The following ALDH8A1 variants were observed in gnomAD, a reference collection of about 807,000 sequenced individuals.
ALDH8A1 encodes the protein aldehyde dehydrogenase 8 family member A1.
Under a neutral mutation model 43.3 loss-of-function variants are expected in ALDH8A1, and 39 were observed. The ratio of observed to expected loss-of-function variants is 0.90; its 90% CI spans 0.70 to 1.18. The LOEUF (loss-of-function observed/expected upper bound fraction) is 1.18, where lower values mean the gene tolerates loss of function less well. Among genes scored for constraint, ALDH8A1 ranks in the 50% most tolerant of loss-of-function variants. The pLI is 0.00. For synonymous variants in ALDH8A1, 233 were observed against 243.5 expected, an observed-to-expected ratio of 0.96 and a Z score of 0.40; for missense variants, 605 against 622.6, an observed-to-expected ratio of 0.97 and a Z score of 0.30.
chr6:134,933,929 G>A (rs1331191063), intron 4 of ALDH8A1, among the ~76,000 whole-genome samples: 3 of 151,964 alleles, frequency 2.0e-5, no homozygotes, highest in African/African-American at 2.4e-5. Flanking sequence ...GGCTGGTCTC[G>A]AACTCCTGAC....
At chr6:134,921,895 T>C (rs1225152312) in intron 6 of ALDH8A1, among the ~76,000 whole-genome samples, 3 of 152,230 alleles carry the variant, frequency 2.0e-5, no homozygotes, top group Non-Finnish European at 4.4e-5. Flanking sequence ...AGTCACAATC[T>C]GAAGAGGCCA....
In ALDH8A1 at chr6:134,932,926, C is replaced by G; in HGVS notation, c.699G>C (p.Gln233His). 6.2e-7 allele frequency: 1 copy of G among 1,614,168 alleles called. No homozygotes were observed. Among genetic ancestry groups the G allele is most frequent in the Non-Finnish European group, 8.5e-7 (1 of 1,180,032 alleles). Residue 233 changes from glutamine to histidine, a missense_variant, in exon 5 of 7, where the codon CAG (glutamine) becomes CAC (histidine). By Grantham distance (24) the Gln-to-His change is conservative. Transcript: ENST00000265605. ...EVPLISFTGS[Q>H]PTAERITQLS... ...GCTGGGTGATCCGCTCAGCGGTGGG[C>G]TGGCTCCCGGTGAAGGAGATCAGGG...
chr6:134,943,573 T>C (rs1376741911), intron 2 of ALDH8A1, among the ~76,000 whole-genome samples: 1 of 152,158 alleles, frequency 6.6e-6, no homozygotes, highest in African/African-American at 2.4e-5. Flanking sequence ...ATGAACAGAG[T>C]ATATTTCTTT....
chr6:134,937,616 C>G (rs1773767440), intron 4 of ALDH8A1, among the ~76,000 whole-genome samples: 1 of 152,210 alleles, frequency 6.6e-6, no homozygotes, highest in Non-Finnish European at 1.5e-5. Flanking sequence ...TTCTTGGTCT[C>G]AGGAGAGAGT....
In ALDH8A1 at chr6:134,943,959, G is replaced by A. The variant is rs778490078; in HGVS notation, c.146C>T (p.Ala49Val). Reference protein sequence around the residue: ...VPNSGKDEIEAAVKAAREAFP... With the variant: ...VPNSGKDEIEVAVKAAREAFP... ...GGCTTCTCTGGCGGCCTTGACCGCGGCTTCGATCTTTGAGGAGCAAATGGG... is the reference window on the plus strand; with the variant it reads ...GGCTTCTCTGGCGGCCTTGACCGCGACTTCGATCTTTGAGGAGCAAATGGG... Residue 49 changes from alanine (A) to valine (V), a missense_variant, in exon 2 of 7, where the codon GCC becomes GTC. Physicochemically the swap from Ala to Val is moderately conservative, Grantham distance 64 (BLOSUM62 0). Transcript: ENST00000265605. 1 of 1,613,840 alleles carries A rather than the reference G, an allele frequency of 6.2e-7. No individual in the cohort carries two copies. Among genetic ancestry groups the A allele is most frequent in the Admixed American group, 1.7e-5 (1 of 59,994 alleles).
chr6:134,924,265 G>A (rs1200062788), intron 6 of ALDH8A1, among the ~76,000 whole-genome samples: 1 of 152,126 alleles, frequency 6.6e-6, no homozygotes, highest in Admixed American at 6.5e-5. Flanking sequence ...GCTACCATCT[G>A]CCATGGACAG....
chr6:134,918,271 AC>A lies in ALDH8A1; in HGVS notation c.*143del. The A allele has an allele frequency of 1.3e-6, 1 of 743,066 alleles. No individual in the cohort carries two copies. The highest frequency in any genetic ancestry group is 2.2e-6 in the Non-Finnish European group (1 of 458,342). 46.0% of individuals were successfully genotyped at this position (743,066 alleles called of 1,614,324 possible). A position where few individuals can be genotyped will look rare whatever the true frequency, so the allele number is the denominator to read the frequency against. On this transcript the variant is annotated 3_prime_UTR_variant, in exon 7 of 7. Coordinates refer to ENST00000265605, the MANE Select transcript of ALDH8A1 (RefSeq NM_022568.4). Reference sequence around the variant, plus strand: ...TATCTCTTCACTAGTGGGTAAAGTTACTAAGAACTGAGGATAAGCTAGAGAT... The same window carrying A: ...TATCTCTTCACTAGTGGGTAAAGTTATAAGAACTGAGGATAAGCTAGAGAT...
chr6:134,949,300 A>T (rs1774003707), intron 1 of ALDH8A1, among the ~76,000 whole-genome samples: 1 of 152,208 alleles, frequency 6.6e-6, no homozygotes, highest in Admixed American at 6.5e-5. Context: ...AATTAATTCT[A>T]CATCACCAAA....
intron 4 of ALDH8A1, among the ~76,000 whole-genome samples, chr6:134,936,326 G>T (rs1483857165): frequency 6.6e-6 from 1 of 152,208 alleles, no homozygotes; most frequent in Non-Finnish European, 1.5e-5. Context: ...GTCAGTCCTG[G>T]ATTGTAGGTC....
At chr6:134,948,528 T>C (rs1773991909) in intron 1 of ALDH8A1, among the ~76,000 whole-genome samples, 2 of 152,206 alleles carry the variant, frequency 1.3e-5, no homozygotes, top group Non-Finnish European at 2.9e-5. Flanking sequence ...TTTTTTAATT[T>C]TTTGTTAAAA....
chr6:134,932,988 T>G lies in ALDH8A1; in HGVS notation c.637A>C (p.Arg213=). Reference sequence around the variant, plus strand: ...TGGGACACCAGGGCCTCACCCACCCTGGGCCCGGTTCCAAACACAATATTG... The same window carrying G: ...TGGGACACCAGGGCCTCACCCACCCGGGGCCCGGTTCCAAACACAATATTG... ...VVNIVFGTGP[R]VGEALVSHPE... is the part of the protein sequence containing the mutation. The change falls in exon 5 of 7, where the codon AGG becomes CGG. Residue 213 remains arginine, a synonymous_variant. Coordinates refer to ENST00000265605, the MANE Select transcript of ALDH8A1 (RefSeq NM_022568.4). 1.2e-6 allele frequency: 2 copies of G among 1,608,270 alleles called. No individual in the cohort carries two copies. The highest frequency in any genetic ancestry group is 1.7e-6 in the Non-Finnish European group (2 of 1,177,194).
intron 5 of ALDH8A1, among the ~76,000 whole-genome samples, chr6:134,931,878 G>A (rs1776991611): frequency 6.6e-6 from 1 of 152,128 alleles, no homozygotes; most frequent in East Asian, 1.9e-4. Flanking sequence ...CATCATTATT[G>A]TTCACATGAT....
Position 134,929,219 on chromosome 6 carries a change from C to T in ALDH8A1, c.850-4G>A. 6.2e-7 allele frequency: 1 copy of T among 1,613,478 alleles called. No individual in the cohort carries two copies. Among genetic ancestry groups the T allele is most frequent in the Non-Finnish European group, 8.5e-7 (1 of 1,179,728 alleles). On this transcript the variant is annotated splice_polypyrimidine_tract_variant and splice_region_variant and intron_variant, in intron 5 of 6. Coordinates refer to ENST00000265605, the MANE Select transcript of ALDH8A1 (RefSeq NM_022568.4). ...TGGTACAGAGACAGATTTCACCCTG[C>T]CAAGAATGAGAACAGGGATAAGGCT... is the stretch of plus-strand genomic sequence containing the variant.
chr6:134,931,563 G>A (rs2114690529), intron 5 of ALDH8A1, among the ~76,000 whole-genome samples: 1 of 152,242 alleles, frequency 6.6e-6, no homozygotes, highest in Non-Finnish European at 1.5e-5. Flanking sequence ...ACCATGCCTG[G>A]ACCCTCAGAA....
At chr6:134,943,151 T>C (rs577952194) in intron 2 of ALDH8A1, among the ~76,000 whole-genome samples, 54 of 152,332 alleles carry the variant, frequency 3.5e-4, no homozygotes, top group Middle Eastern at 6.8e-3. Context: ...CTGAGTTCTC[T>C]TTAGCGATGC....
At chr6:134,948,676 G>T (rs951154962) in intron 1 of ALDH8A1, among the ~76,000 whole-genome samples, 1 of 152,122 alleles carries the variant, frequency 6.6e-6, no homozygotes, top group Non-Finnish European at 1.5e-5. Flanking sequence ...TTTTCAAGCC[G>T]GAAAAAACTA....
chr6:134,918,446 G>A lies in ALDH8A1; in HGVS notation c.1433C>T (p.Thr478Ile). The change falls in exon 7 of 7, where the codon ACT (threonine) becomes ATT (isoleucine). Residue 478 changes from threonine (T) to isoleucine (I), a missense_variant. Transcript: ENST00000265605. ...TTTAACGGTGATGGTTTTGATCTCA[G>A]TGAAGAAGTCGTAAGAGTCCTTGGC... ...EGAKDSYDFF[T>I]EIKTITVKH 1.2e-6 allele frequency: 2 copies of A among 1,614,152 alleles called. No individual in the cohort carries two copies. Among genetic ancestry groups the A allele is most frequent in the Non-Finnish European group, 1.7e-6 (2 of 1,180,030 alleles).
chr6:134,946,955 T>C (rs1179130325), intron 1 of ALDH8A1, among the ~76,000 whole-genome samples: 1 of 152,168 alleles, frequency 6.6e-6, no homozygotes, highest in African/African-American at 2.4e-5. Flanking sequence ...GGCTTACTGA[T>C]TGCACACTAC....
At chr6:134,932,705 T>TG in intron 5 of ALDH8A1, 71 bp downstream of exon 5, 1 of 1,567,996 alleles carries the variant, frequency 6.4e-7, no homozygotes, top group Non-Finnish European at 8.7e-7. Flanking sequence ...TCCCAGGCAT[T>TG]GCACTGTGAT....
Sources: gnomAD v4.1 joint callset for allele counts (sites outside exome capture counted in the v4.1 genomes callset) on GRCh38, gnomAD v4.1.1 for gene constraint, MANE v1.5 for transcripts, NCBI Gene and HGNC (gene_info 2026-07-23, HGNC 2026-07-21) for gene names.